CAB39L: variants seen among roughly 807,000 people sequenced by gnomAD.
CAB39L encodes the protein calcium-binding protein 39-like.
Under a neutral mutation model 39.1 loss-of-function variants are expected in CAB39L, and 23 were observed. The ratio of observed to expected loss-of-function variants is 0.59; its 90% CI spans 0.42 to 0.83. CAB39L has a LOEUF of 0.83. Among genes scored for constraint, CAB39L ranks in the 40% least tolerant of loss-of-function variants. The pLI is 0.00. For synonymous variants in CAB39L, 126 were observed against 137.2 expected (o/e 0.92, Z 0.57); for missense variants, 366 against 391.9 (o/e 0.93, Z 0.56).
rs955459649 is a variant in CAB39L at position 49,382,739 on chromosome 13, AT to A, written c.111+60del. The A allele has an allele frequency of 1.2e-4, 115 of 994,532 alleles. No homozygotes were observed. The African/African-American group carries it at 1.8e-3, about 15-fold the overall frequency. The allele number at this position is 994,532 out of a possible 1,614,324, so 61.6% of individuals were successfully genotyped here. On this transcript the variant is annotated intron_variant, in intron 4 of 10. Coordinates refer to ENST00000409308, the MANE Select transcript of CAB39L (RefSeq NM_001079670.3). ...TTTGAATTCTTCATTAAGCTTTTAC[AT>A]TGGTTTTTGGCATTGCGATGCATGT... is the stretch of plus-strand genomic sequence containing the variant.
rs559904073 is a variant in CAB39L, at chr13:49,341,345, C to T, written c.625-1603G>A. ...CTCAGCTCACTGCAACCTCCGCCTCCCGGGTTCAAGCAATTCTCTGCCTCA... is the reference window on the plus strand; with the variant it reads ...CTCAGCTCACTGCAACCTCCGCCTCTCGGGTTCAAGCAATTCTCTGCCTCA... On this transcript the variant is annotated intron_variant, in intron 8 of 10. Transcript: ENST00000409308. Among the ~76,000 whole-genome samples, 9 of 152,182 alleles carry T rather than the reference C, an allele frequency of 5.9e-5. No homozygotes were observed. The South Asian group carries it at 8.3e-4, about 14-fold the overall frequency.
intron 3 of CAB39L, among the ~76,000 whole-genome samples, chr13:49,412,077 G>A (rs1468662891): frequency 6.6e-6 from 1 of 152,120 alleles, no homozygotes; most frequent in Non-Finnish European, 1.5e-5. Context: ...AGAACCTGGT[G>A]CCATCCCCAC....
chr13:49,389,119 G>A (rs746223055), intron 3 of CAB39L, among the ~76,000 whole-genome samples: 11 of 152,162 alleles, frequency 7.2e-5, no homozygotes, highest in Non-Finnish European at 1.6e-4. Flanking sequence ...CATTGTTGGT[G>A]GGAAGGTGAA....
chr13:49,344,600 C>T (rs188770387), intron 7 of CAB39L, among the ~76,000 whole-genome samples: 1 of 150,164 alleles, frequency 6.7e-6, no homozygotes, highest in African/African-American at 2.5e-5. Flanking sequence ...CAGCTCACTG[C>T]AAGCTCTGCC....
At chr13:49,378,116 GCAACCA>G (rs1956135259) in intron 4 of CAB39L, among the ~76,000 whole-genome samples, 1 of 69,992 alleles carries the variant, frequency 1.4e-5, no homozygotes, top group Non-Finnish European at 2.8e-5. Flanking sequence ...CCTCTGCCTG[GCAACCA>G]CCCCGTCTGA....
chr13:49,311,050 A>G (rs1593882198), intron 10 of CAB39L, 57 bp from the exon 11 acceptor site: 1 of 1,520,550 alleles, frequency 6.6e-7, no homozygotes, highest in East Asian at 2.3e-5. Context: ...CACCCACGCT[A>G]CAGCAGTGCA....
intron 9 of CAB39L, among the ~76,000 whole-genome samples, chr13:49,338,779 G>A (rs1954920129): frequency 6.6e-6 from 1 of 152,186 alleles, no homozygotes. Context: ...CTTAGGGAAT[G>A]ACCATGTTTC....
intron 10 of CAB39L, among the ~76,000 whole-genome samples, chr13:49,320,449 A>G (rs1472731797): frequency 6.6e-6 from 1 of 152,182 alleles, no homozygotes; most frequent in Non-Finnish European, 1.5e-5. Flanking sequence ...ACCACAACTC[A>G]AATATTTTTA....
At chr13:49,380,608 C>A (rs906630983) in intron 4 of CAB39L, among the ~76,000 whole-genome samples, 1 of 152,018 alleles carries the variant, frequency 6.6e-6, no homozygotes, top group Non-Finnish European at 1.5e-5. Context: ...TGTGAATGTA[C>A]TAAAAACCAA....
chr13:49,442,329 C>G (rs888055917), intron 1 of CAB39L, among the ~76,000 whole-genome samples: 1 of 152,076 alleles, frequency 6.6e-6, no homozygotes, highest in African/African-American at 2.4e-5. Flanking sequence ...TTCACAAGAA[C>G]AAAATTACAC....
At chr13:49,438,691 C>T (rs1957456130) in intron 1 of CAB39L, among the ~76,000 whole-genome samples, 1 of 152,140 alleles carries the variant, frequency 6.6e-6, no homozygotes, top group African/African-American at 2.4e-5. Flanking sequence ...CTTTTTATTT[C>T]CCCCATCAAT....
intron 5 of CAB39L, among the ~76,000 whole-genome samples, chr13:49,360,256 C>T (rs776928620): frequency 1.3e-5 from 2 of 152,134 alleles, no homozygotes; most frequent in Non-Finnish European, 2.9e-5. Flanking sequence ...AGGTTAGAAC[C>T]AAATTCCTTT....
intron 10 of CAB39L, among the ~76,000 whole-genome samples, chr13:49,318,212 A>G (rs1029815378): frequency 1.3e-5 from 2 of 151,964 alleles, no homozygotes; most frequent in Admixed American, 6.6e-5. Flanking sequence ...CTGTAATCCC[A>G]ACACTTGGGG....
chr13:49,362,510 T>C (rs1818096122), intron 5 of CAB39L, among the ~76,000 whole-genome samples: 2 of 151,828 alleles, frequency 1.3e-5, no homozygotes, highest in Admixed American at 1.3e-4. Flanking sequence ...AAAGAATTAG[T>C]GAGCTTGCAG....
Position 49,310,880 on chromosome 13 carries a change from CTCA to C in CAB39L, c.945_947del (p.Asp315del). On this transcript the variant is annotated inframe_deletion, in exon 11 of 11. Transcript: ENST00000409308. ...AGTAGTTCTTCTCGTCAGCGAACTG[CTCA>C]TCATCCGTCCTTTCTTTTTGGAAGC... 2.5e-6 allele frequency: 4 copies of C among 1,614,176 alleles called. No homozygotes were observed. The highest frequency in any genetic ancestry group is 3.4e-6 in the Non-Finnish European group (4 of 1,180,028).
At chr13:49,424,989 T>G (rs1358435965) in intron 3 of CAB39L, among the ~76,000 whole-genome samples, 2 of 152,052 alleles carry the variant, frequency 1.3e-5, no homozygotes, top group African/African-American at 2.4e-5. Context: ...TCCACAAGAA[T>G]GCATTAAGCA....
intron 10 of CAB39L, among the ~76,000 whole-genome samples, chr13:49,319,642 T>TAAA (rs61586450): frequency 1.2e-4 from 16 of 136,794 alleles, no homozygotes; most frequent in African/African-American, 4.3e-4. Flanking sequence ...TTACTTATAT[T>TAAA]AAAAAAAAAA....
intron 9 of CAB39L, among the ~76,000 whole-genome samples, chr13:49,337,532 T>C (rs1954879944): frequency 6.6e-6 from 1 of 152,142 alleles, no homozygotes; most frequent in South Asian, 2.1e-4. Context: ...GATGTGGTCT[T>C]ACTCTGTTGG....
At chr13:49,427,847 G>A (rs1219325626) in intron 3 of CAB39L, among the ~76,000 whole-genome samples, 1 of 152,148 alleles carries the variant, frequency 6.6e-6, no homozygotes, top group Non-Finnish European at 1.5e-5. Context: ...GTCCAGTGAG[G>A]GCCCACTTCC....
Sources: gnomAD v4.1 joint callset for allele counts (sites outside exome capture counted in the v4.1 genomes callset) on GRCh38, gnomAD v4.1.1 for gene constraint, MANE v1.5 for transcripts, NCBI Gene and HGNC (gene_info 2026-07-23, HGNC 2026-07-21) for gene names.